The following DLG2 variants were observed in gnomAD, a reference collection of about 807,000 sequenced individuals.
DLG2 encodes disks large homolog 2.
DLG2 carries 45 observed loss-of-function variants against 132.5 expected under a neutral mutation model. The ratio of observed to expected loss-of-function variants is 0.34; its 90% CI spans 0.27 to 0.44. DLG2 has a LOEUF of 0.44. Ranked by LOEUF, DLG2 falls within the 20% of genes least tolerant of loss-of-function variation. The probability of loss-of-function intolerance (pLI) is 1.00; values close to 1 mark genes in which losing one functional copy is unlikely to be tolerated. For synonymous variants in DLG2, 424 were observed against 419.6 expected (o/e 1.01, Z -0.13); for missense variants, 1,045 against 1,196.9 (o/e 0.87, Z 1.87).
intron 12 of DLG2, among the ~76,000 whole-genome samples, chr11:83,975,785 G>A (rs1298274748): frequency 6.6e-6 from 1 of 151,940 alleles, no homozygotes; most frequent in Non-Finnish European, 1.5e-5. Context: ...ATGTGGAAGA[G>A]GAATTAGTCT....
chr11:84,016,544 G>A (rs777720059), intron 11 of DLG2, among the ~76,000 whole-genome samples: 51 of 152,060 alleles, frequency 3.4e-4, no homozygotes, highest in Admixed American at 5.2e-4. Flanking sequence ...TAAGGAAGGG[G>A]TCCAGTTTCA....
chr11:84,569,687 A>G (rs112934045), intron 6 of DLG2, among the ~76,000 whole-genome samples: 7 of 152,356 alleles, frequency 4.6e-5, no homozygotes, highest in African/African-American at 1.7e-4. Flanking sequence ...AAGAGAGGTT[A>G]TATTGCTCAG....
At chr11:85,401,238 C>T (rs539116790) in intron 3 of DLG2, among the ~76,000 whole-genome samples, 1 of 152,226 alleles carries the variant, frequency 6.6e-6, no homozygotes, top group South Asian at 2.1e-4. Context: ...TGACAAAAAT[C>T]ACCTGATTAT....
At chr11:85,428,990 C>A (rs2090978197) in intron 3 of DLG2, among the ~76,000 whole-genome samples, 1 of 152,130 alleles carries the variant, frequency 6.6e-6, no homozygotes, top group Non-Finnish European at 1.5e-5. Flanking sequence ...TCAGAGAATA[C>A]TATAAACACC....
chr11:84,906,084 T>G (rs1444487160), intron 6 of DLG2, among the ~76,000 whole-genome samples: 1 of 152,140 alleles, frequency 6.6e-6, no homozygotes, highest in African/African-American at 2.4e-5. Flanking sequence ...ATGGCATAGC[T>G]AGAATATATG....
At chr11:84,319,050 TG>T (rs1211966143) in intron 7 of DLG2, among the ~76,000 whole-genome samples, 3 of 152,370 alleles carry the variant, frequency 2.0e-5, no homozygotes, top group East Asian at 3.9e-4. Context: ...GAGGTATTCT[TG>T]TTAAGGAAAT....
chr11:84,540,358 AAAC>A (rs1289597628), intron 6 of DLG2, among the ~76,000 whole-genome samples: 3 of 150,138 alleles, frequency 2.0e-5, no homozygotes, highest in African/African-American at 7.3e-5. Flanking sequence ...AAAAAAAAAA[AAAC>A]CCCATCAAAA....
At chr11:83,471,461 G>T (rs947094001) in intron 24 of DLG2, among the ~76,000 whole-genome samples, 165 bp downstream of exon 24, 6 of 152,084 alleles carry the variant, frequency 3.9e-5, no homozygotes, top group Non-Finnish European at 8.8e-5. Flanking sequence ...CAGCATAAAT[G>T]AAAAGTGTTA....
intron 25 of DLG2, 45 bp from the exon 26 acceptor site, chr11:83,466,862 G>T: frequency 7.5e-7 from 1 of 1,339,366 alleles, no homozygotes; most frequent in African/African-American, 1.4e-5. Context: ...TAGGAAGCAT[G>T]GCCATAATCC....
Position 85,152,316 on chromosome 11 carries a change from C to T in DLG2, c.282+2240G>A, listed in dbSNP as rs1452799804. 2.0e-5 allele frequency among the ~76,000 whole-genome samples: 3 copies of T among 151,728 alleles called. No individual in the cohort carries two copies. The East Asian group carries it at 5.8e-4, about 29-fold the overall frequency. ...AGTGCAGTGGCGCTATCTCAGCTCA[C>T]TACAACCTCCACCTCCCAGGTTCAA... On this transcript the variant is annotated intron_variant, in intron 5 of 27. Coordinates refer to ENST00000376104, the MANE Select transcript of DLG2 (RefSeq NM_001142699.3).
intron 6 of DLG2, among the ~76,000 whole-genome samples, chr11:84,877,198 G>A (rs902695290): frequency 6.6e-6 from 1 of 152,002 alleles, no homozygotes; most frequent in African/African-American, 2.4e-5. Context: ...ATGCCTATTA[G>A]GTCTGCTTGG....
At chr11:85,418,605 G>T (rs1597150063) in intron 3 of DLG2, among the ~76,000 whole-genome samples, 1 of 152,156 alleles carries the variant, frequency 6.6e-6, no homozygotes, top group Non-Finnish European at 1.5e-5. Flanking sequence ...CTAAGAACTT[G>T]ATTTACGAAT....
intron 18 of DLG2, among the ~76,000 whole-genome samples, chr11:83,729,236 G>A (rs2090557401): frequency 6.6e-6 from 1 of 152,164 alleles, no homozygotes; most frequent in South Asian, 2.1e-4. Flanking sequence ...TTCTGCAAAT[G>A]ACTCTAAATA....
At chr11:84,356,349 T>G (rs2098611443) in intron 7 of DLG2, among the ~76,000 whole-genome samples, 1 of 152,128 alleles carries the variant, frequency 6.6e-6, no homozygotes, top group Non-Finnish European at 1.5e-5. Flanking sequence ...GGATACAATC[T>G]GAATCACGAA....
chr11:84,306,265 T>C (rs2098217062), intron 7 of DLG2, among the ~76,000 whole-genome samples: 1 of 151,944 alleles, frequency 6.6e-6, no homozygotes, highest in African/African-American at 2.4e-5. Flanking sequence ...ATATATAAAT[T>C]ATTATTTGTC....
At chr11:83,629,635 T>C (rs763809067) in intron 19 of DLG2, among the ~76,000 whole-genome samples, 9 of 152,198 alleles carry the variant, frequency 5.9e-5, no homozygotes, top group African/African-American at 9.6e-5. Context: ...TCCCTGTTAG[T>C]AGCAGGAAAA....
chr11:83,642,685 A>T (rs567863432), intron 18 of DLG2, among the ~76,000 whole-genome samples: 1 of 152,266 alleles, frequency 6.6e-6, no homozygotes, highest in South Asian at 2.1e-4. Context: ...CAACACAGAA[A>T]CTTCCTGAAG....
chr11:83,870,366 C>T (rs189642168), intron 16 of DLG2, among the ~76,000 whole-genome samples: 8 of 152,300 alleles, frequency 5.3e-5, no homozygotes, highest in Admixed American at 2.0e-4. Flanking sequence ...ATGTGGCATT[C>T]GTCTTTCTGT....
chr11:84,082,176 A>T (rs1432809291), intron 10 of DLG2, among the ~76,000 whole-genome samples: 1 of 152,156 alleles, frequency 6.6e-6, no homozygotes, highest in Non-Finnish European at 1.5e-5. Context: ...TTTATTTTAA[A>T]ATACTTTGTA....
Sources: allele counts gnomAD v4.1 joint callset (sites outside exome capture counted in the v4.1 genomes callset), GRCh38; gene constraint gnomAD v4.1.1; transcripts MANE v1.5; gene names NCBI Gene and HGNC (gene_info 2026-07-23, HGNC 2026-07-21).